RTN4: variants seen among roughly 807,000 people sequenced by gnomAD.
The protein encoded by RTN4 is reticulon 4.
In RTN4, 32 loss-of-function variants were observed where a neutral mutation model predicts 90.4. The ratio of observed to expected loss-of-function variants is 0.35; its 90% CI spans 0.27 to 0.48. The LOEUF is 0.48. Among genes scored for constraint, RTN4 ranks in the 20% least tolerant of loss-of-function variants. The pLI is 0.99. For missense variants in RTN4, 1,706 were observed against 1,430.2 expected, an observed-to-expected ratio of 1.19 and a Z score of -3.11; for synonymous variants, 629 against 552.5, an observed-to-expected ratio of 1.14 and a Z score of -1.94.
chr2:55,077,062 C>T (rs1668616119), intron 2 of RTN4, among the ~76,000 whole-genome samples: 1 of 149,784 alleles, frequency 6.7e-6, no homozygotes, highest in South Asian at 2.1e-4. Flanking sequence ...GTCCAGGTTG[C>T]AGTGCAGTGG....
At chr2:55,096,665 G>A (rs1463544408) in intron 1 of RTN4, among the ~76,000 whole-genome samples, 1 of 152,202 alleles carries the variant, frequency 6.6e-6, no homozygotes. Context: ...AAGGTTTTCA[G>A]TGTTGCTTTG....
intron 3 of RTN4, among the ~76,000 whole-genome samples, chr2:55,010,884 C>T (rs1367966736): frequency 6.6e-6 from 1 of 152,162 alleles, no homozygotes; most frequent in African/African-American, 2.4e-5. Context: ...TACTCTTAAT[C>T]ATCATCTGCT....
chr2:55,127,161 T>C, the RTN4 span, among the ~76,000 whole-genome samples: 2 of 152,054 alleles, frequency 1.3e-5, no homozygotes, highest in Non-Finnish European at 2.9e-5. Context: ...AAATCTAAAA[T>C]AAAAGTTTAA....
At chr2:54,975,887 T>A (rs1677588909) in intron 5 of RTN4, among the ~76,000 whole-genome samples, 1 of 152,232 alleles carries the variant, frequency 6.6e-6, no homozygotes, top group South Asian at 2.1e-4. Context: ...ATATCAGGCA[T>A]TCTTAATATC....
chr2:55,122,257 G>A, the RTN4 span, among the ~76,000 whole-genome samples: 1 of 152,136 alleles, frequency 6.6e-6, no homozygotes, highest in Non-Finnish European at 1.5e-5. Context: ...GGGATTATAG[G>A]CATGAGCCAC....
intron 1 of RTN4, among the ~76,000 whole-genome samples, chr2:55,110,360 G>C (rs1213431111): frequency 6.7e-6 from 1 of 149,166 alleles, no homozygotes; most frequent in Non-Finnish European, 1.5e-5. Flanking sequence ...CTCATCAATA[G>C]AAAGCAGCTG....
At chr2:55,028,066 A>C (rs1682036644) in intron 2 of RTN4, 98 bp downstream of exon 2, 1 of 986,532 alleles carries the variant, frequency 1.0e-6, no homozygotes, top group African/African-American at 1.7e-5. Flanking sequence ...GAACCATGCT[A>C]ATTTTTAGTA....
intron 2 of RTN4, among the ~76,000 whole-genome samples, chr2:55,071,419 G>GT (rs1668510356): frequency 6.6e-6 from 1 of 151,872 alleles, no homozygotes; most frequent in Non-Finnish European, 1.5e-5. Flanking sequence ...ACATAACTAA[G>GT]TCATTACGGT....
intron 1 of RTN4, among the ~76,000 whole-genome samples, chr2:55,099,348 C>T (rs1219945021): frequency 6.6e-6 from 1 of 152,052 alleles, no homozygotes; most frequent in Non-Finnish European, 1.5e-5. Context: ...GGTATTATCC[C>T]TACTGATGTC....
chr2:55,098,256 A>T (rs1667787848), intron 1 of RTN4, among the ~76,000 whole-genome samples: 1 of 152,250 alleles, frequency 6.6e-6, no homozygotes, highest in South Asian at 2.1e-4. Flanking sequence ...AGATTTAAGG[A>T]TTATTCATTC....
intron 2 of RTN4, among the ~76,000 whole-genome samples, chr2:55,059,501 G>A (rs755784148): frequency 1.3e-5 from 2 of 151,904 alleles, no homozygotes; most frequent in Non-Finnish European, 2.9e-5. Context: ...CTACAAGTAC[G>A]CACCACCACA....
chr2:55,022,120 G>C (rs1339193043), intron 3 of RTN4, among the ~76,000 whole-genome samples: 1 of 152,104 alleles, frequency 6.6e-6, no homozygotes, highest in Non-Finnish European at 1.5e-5. Flanking sequence ...CAAGAAATAG[G>C]TGACTCCTGA....
At chr2:54,999,588 G>T (rs1679707179) in intron 3 of RTN4, among the ~76,000 whole-genome samples, 1 of 152,092 alleles carries the variant, frequency 6.6e-6, no homozygotes, top group Admixed American at 6.6e-5. Flanking sequence ...ATAATGCCAG[G>T]TGAGGAATGA....
In RTN4 at chr2:55,027,354, G is replaced by A. The variant is rs1386760497; in HGVS notation, c.745C>T (p.His249Tyr). The A allele has an allele frequency of 1.2e-6, 2 of 1,613,682 alleles. No homozygotes were observed. The highest frequency in any genetic ancestry group is 4.5e-5 in the East Asian group (2 of 44,866). The stretch of plus-strand genomic sequence containing the variant: ...GTTGACAAATTACCAAGGTATTCAT[G>A]TTCTTTGAAAGAAGCGGCTGAGAGA... ...SPLSAASFKEHEYLGNLSTVL... is the reference protein window; with the variant it reads ...SPLSAASFKEYEYLGNLSTVL... The change falls in exon 3 of 9, where the codon CAT becomes TAT. Residue 249 changes from histidine to tyrosine, a missense_variant. Transcript: ENST00000337526.
intron 2 of RTN4, among the ~76,000 whole-genome samples, chr2:55,079,988 A>T (rs1668678450): frequency 6.6e-6 from 1 of 152,220 alleles, no homozygotes; most frequent in Non-Finnish European, 1.5e-5. Flanking sequence ...TCTGGTGCAG[A>T]TATGTAAACA....
chr2:55,060,354 T>C (rs1668267742), intron 2 of RTN4, among the ~76,000 whole-genome samples: 1 of 152,244 alleles, frequency 6.6e-6, no homozygotes, highest in African/African-American at 2.4e-5. Flanking sequence ...TTCATACCTC[T>C]TTAGTGCTAA....
At chr2:55,068,852 C>T (rs1668439883) in intron 2 of RTN4, among the ~76,000 whole-genome samples, 1 of 152,190 alleles carries the variant, frequency 6.6e-6, no homozygotes, top group Non-Finnish European at 1.5e-5. Flanking sequence ...TTAATTAATA[C>T]TTTTTACTAC....
Position 55,025,674 on chromosome 2 carries a change from T to C in RTN4, c.2425A>G (p.Asn809Asp). ...YLESFKLSLD[N>D]TKDTLLPDEV... ...TCAGGTAACAGGGTATCTTTTGTGT[T>C]ATCTAAACTGAGCTTAAAAGATTCC... The change falls in exon 3 of 9, where the codon AAC (asparagine) becomes GAC (aspartate). Residue 809 changes from asparagine (N) to aspartate (D), a missense_variant. Coordinates refer to ENST00000337526, the MANE Select transcript of RTN4 (RefSeq NM_020532.5). 3 of 1,613,854 alleles carry C rather than the reference T, an allele frequency of 1.9e-6. No homozygotes were observed. The highest frequency in any genetic ancestry group is 2.5e-6 in the Non-Finnish European group (3 of 1,179,830).
chr2:55,008,142 A>AACAC (rs200633765), intron 3 of RTN4, among the ~76,000 whole-genome samples: 9,453 of 145,030 alleles, frequency 0.065, 313 homozygotes, highest in South Asian at 0.1. Context: ...TCGGCAAGCA[A>AACAC]ACACACACAC....
Sources: gnomAD v4.1 joint callset for allele counts (sites outside exome capture counted in the v4.1 genomes callset) on GRCh38, gnomAD v4.1.1 for gene constraint, MANE v1.5 for transcripts, NCBI Gene and HGNC (gene_info 2026-07-23, HGNC 2026-07-21) for gene names.